Variants in MAGI2 observed in about 807,000 individuals in gnomAD.
MAGI2 encodes membrane associated guanylate kinase, WW and PDZ domain containing 2, also known as membrane-associated guanylate kinase, WW and PDZ domain-containing protein 2.
MAGI2 carries 35 observed loss-of-function variants against 133.3 expected under a neutral mutation model. That is an observed-to-expected ratio of 0.26 (90% CI 0.20 to 0.35). The LOEUF (loss-of-function observed/expected upper bound fraction) is 0.35, where lower values mean the gene tolerates loss of function less well. Ranked by LOEUF, MAGI2 falls within the 10% of genes least tolerant of loss-of-function variation. MAGI2 has a pLI of 1.00. For synonymous variants in MAGI2, 729 were observed against 710.6 expected (o/e 1.03, Z -0.41); for missense variants, 1,636 against 1,863.4 (o/e 0.88, Z 2.25).
intron 9 of MAGI2, among the ~76,000 whole-genome samples, chr7:78,281,003 T>C (rs770320564): frequency 6.6e-6 from 1 of 152,076 alleles, no homozygotes; most frequent in Non-Finnish European, 1.5e-5. Context: ...ATCTCCTTCC[T>C]CATAACTTTT....
chr7:78,333,109 A>C (rs1789401046), intron 9 of MAGI2, among the ~76,000 whole-genome samples: 1 of 152,226 alleles, frequency 6.6e-6, no homozygotes, highest in African/African-American at 2.4e-5. Context: ...CCTTTTTTTA[A>C]AAATTGAATT....
intron 16 of MAGI2, among the ~76,000 whole-genome samples, chr7:78,151,690 G>C (rs1339267936): frequency 6.6e-6 from 1 of 152,144 alleles, no homozygotes. Context: ...CTGGGACATT[G>C]CTCCGGTTCT....
At chr7:78,625,825 G>A (rs972617119) in intron 3 of MAGI2, among the ~76,000 whole-genome samples, 1 of 152,104 alleles carries the variant, frequency 6.6e-6, no homozygotes, top group Non-Finnish European at 1.5e-5. Flanking sequence ...AATTACCTAC[G>A]TATTCAGTAT....
chr7:78,549,188 G>A (rs1299100988), intron 3 of MAGI2, among the ~76,000 whole-genome samples: 1 of 152,018 alleles, frequency 6.6e-6, no homozygotes, highest in African/African-American at 2.4e-5. Flanking sequence ...AGATATAAGT[G>A]GGCCTGGAAC....
intron 6 of MAGI2, among the ~76,000 whole-genome samples, chr7:78,402,168 C>A (rs1796931883): frequency 6.6e-6 from 1 of 152,088 alleles, no homozygotes; most frequent in African/African-American, 2.4e-5. Flanking sequence ...TGCTTGACAC[C>A]TAGGCATATG....
intron 1 of MAGI2, among the ~76,000 whole-genome samples, chr7:79,312,426 C>T (rs1230716081): frequency 2.0e-5 from 3 of 152,242 alleles, no homozygotes; most frequent in Middle Eastern, 3.4e-3. Flanking sequence ...CCCTGGGAAC[C>T]TTTATTACTT....
intron 1 of MAGI2, among the ~76,000 whole-genome samples, chr7:79,370,684 A>T (rs1842996460): frequency 6.6e-6 from 1 of 151,952 alleles, no homozygotes; most frequent in South Asian, 2.1e-4. Flanking sequence ...CTTCCCTTAT[A>T]ATGAACTAAT....
intron 9 of MAGI2, among the ~76,000 whole-genome samples, chr7:78,261,280 T>C (rs1793493776): frequency 6.6e-6 from 1 of 152,168 alleles, no homozygotes; most frequent in Non-Finnish European, 1.5e-5. Context: ...ACTTGTTACT[T>C]GCCTCTAGTT....
rs903040014 is a variant in MAGI2 at position 78,612,832 on chromosome 7, G to C, written c.538+14288C>G. Among the ~76,000 whole-genome samples the C allele has an allele frequency of 3.3e-5, 5 of 149,810 alleles. No homozygotes were observed. In the East Asian group the frequency reaches 9.7e-4, roughly 29 times the overall value. ...CTACAGGCGCCCGCCACCACGCCCG[G>C]CTAATTTTTTTGTATTTTTAGTAGA... On this transcript the variant is annotated intron_variant, in intron 3 of 21. Coordinates refer to ENST00000354212, the MANE Select transcript of MAGI2 (RefSeq NM_012301.4).
At chr7:78,262,189 T>C (rs1171944218) in intron 9 of MAGI2, among the ~76,000 whole-genome samples, 1 of 152,162 alleles carries the variant, frequency 6.6e-6, no homozygotes, top group Non-Finnish European at 1.5e-5. Context: ...AGCATTATTA[T>C]ATATACCCAT....
intron 3 of MAGI2, among the ~76,000 whole-genome samples, chr7:78,525,697 C>A (rs530055782): frequency 6.6e-6 from 1 of 152,162 alleles, no homozygotes; most frequent in Non-Finnish European, 1.5e-5. Context: ...GACTTTGAAT[C>A]CTGTGTCCCC....
intron 1 of MAGI2, among the ~76,000 whole-genome samples, chr7:79,051,927 T>C (rs1812712058): frequency 6.6e-6 from 1 of 152,142 alleles, no homozygotes; most frequent in African/African-American, 2.4e-5. Context: ...TATATATGTA[T>C]TTAGTTTTAT....
chr7:79,386,079 TA>T (rs1180105479), intron 1 of MAGI2, among the ~76,000 whole-genome samples: 1 of 149,190 alleles, frequency 6.7e-6, no homozygotes, highest in Non-Finnish European at 1.5e-5. Context: ...TAAGAAATAA[TA>T]AAAAATTTTA....
chr7:78,329,251 T>G (rs1402625553), intron 9 of MAGI2, among the ~76,000 whole-genome samples: 2 of 152,176 alleles, frequency 1.3e-5, no homozygotes, highest in Non-Finnish European at 2.9e-5. Flanking sequence ...GTGCACTCTA[T>G]CTGTAATTTC....
chr7:78,471,651 G>C (rs951337312), intron 6 of MAGI2, among the ~76,000 whole-genome samples: 4 of 151,980 alleles, frequency 2.6e-5, no homozygotes, highest in Non-Finnish European at 4.4e-5. Context: ...GAGGGGCTGG[G>C]CTTGTGGCTC....
chr7:78,838,269 T>C (rs1563564907), intron 2 of MAGI2, among the ~76,000 whole-genome samples: 1 of 151,980 alleles, frequency 6.6e-6, no homozygotes, highest in Non-Finnish European at 1.5e-5. Flanking sequence ...CAGATATAAA[T>C]CTTGAAAACT....
chr7:79,296,987 C>T (rs953961981), intron 1 of MAGI2, among the ~76,000 whole-genome samples: 3 of 104,408 alleles, frequency 2.9e-5, no homozygotes, highest in Non-Finnish European at 3.9e-5. Flanking sequence ...AATATCACAC[C>T]ATACCCCATA....
intron 1 of MAGI2, among the ~76,000 whole-genome samples, chr7:79,174,424 T>TAC (rs1363289063): frequency 1.1e-3 from 161 of 152,150 alleles, no homozygotes; most frequent in Non-Finnish European, 2.4e-4. Context: ...AATTCACACA[T>TAC]ACACAAATGT....
chr7:78,302,054 A>G (rs1020240465), intron 9 of MAGI2, among the ~76,000 whole-genome samples: 1 of 152,236 alleles, frequency 6.6e-6, no homozygotes, highest in African/African-American at 2.4e-5. Context: ...TATTACATTT[A>G]CTAGACTGTA....
Sources: gnomAD v4.1 joint callset for allele counts (sites outside exome capture counted in the v4.1 genomes callset) on GRCh38, gnomAD v4.1.1 for gene constraint, MANE v1.5 for transcripts, NCBI Gene and HGNC (gene_info 2026-07-23, HGNC 2026-07-21) for gene names.